Variants in SLC24A2 observed in about 807,000 individuals in gnomAD.
SLC24A2 encodes sodium/potassium/calcium exchanger 2.
In SLC24A2, 36 loss-of-function variants were observed where a neutral mutation model predicts 62.0. That is an observed-to-expected ratio of 0.58 (90% CI 0.44 to 0.77). SLC24A2 has a LOEUF of 0.77. Ranked by LOEUF, SLC24A2 falls within the 30% of genes least tolerant of loss-of-function variation. The pLI is 0.00. For synonymous variants in SLC24A2, 358 were observed against 294.0 expected, an observed-to-expected ratio of 1.22 and a Z score of -2.23; for missense variants, 846 against 817.9, an observed-to-expected ratio of 1.03 and a Z score of -0.42.
At chr9:19,982,700 C>T in the SLC24A2 span, among the ~76,000 whole-genome samples, 1 of 152,070 alleles carries the variant, frequency 6.6e-6, no homozygotes, top group African/African-American at 2.4e-5. Flanking sequence ...CTGTATTACC[C>T]TAATACCAAA....
chr9:20,092,410 A>G, the SLC24A2 span, among the ~76,000 whole-genome samples: 3 of 152,100 alleles, frequency 2.0e-5, no homozygotes, highest in Admixed American at 2.0e-4. Flanking sequence ...GCAAATTCAT[A>G]AACTTTCTTA....
At chr9:19,567,174 GAAAAA>G (rs55924253) in intron 7 of SLC24A2, among the ~76,000 whole-genome samples, 1 of 138,136 alleles carries the variant, frequency 7.2e-6, no homozygotes, top group Non-Finnish European at 1.6e-5. Context: ...AAAGAATCTG[GAAAAA>G]AAAAAAAGAA....
chr9:20,097,110 C>G, the SLC24A2 span, among the ~76,000 whole-genome samples: 1 of 152,126 alleles, frequency 6.6e-6, no homozygotes, highest in Non-Finnish European at 1.5e-5. Flanking sequence ...CTCCAATGTC[C>G]ACCCTACATC....
In SLC24A2 at chr9:19,517,126, C is replaced by T. The variant is rs78537812; in HGVS notation, c.1737-724G>A. Among the ~76,000 whole-genome samples the T allele has an allele frequency of 3.5e-4, 54 of 152,244 alleles. No homozygotes were observed. The East Asian group carries it at 9.3e-3, about 26-fold the overall frequency. On this transcript the variant is annotated intron_variant, in intron 10 of 10. Coordinates refer to ENST00000341998, the MANE Select transcript of SLC24A2 (RefSeq NM_020344.4). ...TCTGAGGATCTCTTGTGTTTCCTAT[C>T]GAGAGTGGTGATCCTGAAAGACCTC...
At chr9:20,219,160 G>A in the SLC24A2 span, among the ~76,000 whole-genome samples, 1 of 152,202 alleles carries the variant, frequency 6.6e-6, no homozygotes. Context: ...ATTAGTGGAT[G>A]GTTTCAGAGA....
intron 2 of SLC24A2, among the ~76,000 whole-genome samples, chr9:19,778,159 C>T (rs560330108): frequency 6.6e-6 from 1 of 152,016 alleles, no homozygotes; most frequent in African/African-American, 2.4e-5. Context: ...AATAACAAAC[C>T]CTTCTTAATA....
intron 2 of SLC24A2, among the ~76,000 whole-genome samples, chr9:19,759,342 C>T (rs1224348642): frequency 2.0e-5 from 3 of 152,166 alleles, no homozygotes; most frequent in African/African-American, 7.2e-5. Flanking sequence ...ACACCATGAT[C>T]TCCATAACCA....
intron 2 of SLC24A2, among the ~76,000 whole-genome samples, chr9:19,664,808 C>T (rs1261934758): frequency 3.3e-5 from 5 of 152,202 alleles, no homozygotes; most frequent in East Asian, 1.9e-4. Context: ...AGGAATGCCA[C>T]GGATTGCCAG....
chr9:20,057,595 A>G, the SLC24A2 span, among the ~76,000 whole-genome samples: 2 of 152,204 alleles, frequency 1.3e-5, no homozygotes, highest in Admixed American at 1.3e-4. Flanking sequence ...GATATTTGAA[A>G]CCTATCAAGC....
the SLC24A2 span, among the ~76,000 whole-genome samples, chr9:20,262,791 C>G: frequency 6.6e-6 from 1 of 152,216 alleles, no homozygotes; most frequent in African/African-American, 2.4e-5. Context: ...TCTCTTCCCA[C>G]TCTCTGCCCC....
At chr9:19,817,628 TTA>T in the SLC24A2 span, among the ~76,000 whole-genome samples, 3 of 152,096 alleles carry the variant, frequency 2.0e-5, no homozygotes, top group African/African-American at 7.2e-5. Context: ...CTCTTCTACA[TTA>T]TAGCTAAGAT....
the SLC24A2 span, among the ~76,000 whole-genome samples, chr9:19,835,035 T>C: frequency 6.6e-6 from 1 of 152,138 alleles, no homozygotes; most frequent in African/African-American, 2.4e-5. Flanking sequence ...TGAGAGATTT[T>C]GTCACCACCA....
At chr9:19,528,813 C>G (rs543367414) in intron 8 of SLC24A2, among the ~76,000 whole-genome samples, 2 of 152,300 alleles carry the variant, frequency 1.3e-5, no homozygotes, top group East Asian at 3.9e-4. Flanking sequence ...ACTGAGATGG[C>G]AGATCAGACA....
chr9:19,762,928 A>G lies in SLC24A2; in HGVS notation c.930+23009T>C, dbSNP rs1429487884. Among the ~76,000 whole-genome samples the G allele has an allele frequency of 2.6e-5, 4 of 151,582 alleles. No homozygotes were observed. In the East Asian group the frequency reaches 5.8e-4, roughly 22 times the overall value. On this transcript the variant is annotated intron_variant, in intron 2 of 10. Coordinates refer to ENST00000341998, the MANE Select transcript of SLC24A2 (RefSeq NM_020344.4). ...TATGGGCAGTATGGCTGTTTTCATGATATCGATTCTTCCTATCCATGAGCA... is the reference window on the plus strand; with the variant it reads ...TATGGGCAGTATGGCTGTTTTCATGGTATCGATTCTTCCTATCCATGAGCA...
chr9:20,009,773 C>T, the SLC24A2 span, among the ~76,000 whole-genome samples: 1 of 152,130 alleles, frequency 6.6e-6, no homozygotes, highest in Admixed American at 6.6e-5. Context: ...GAGCATCTGG[C>T]CCTGCCCAAC....
the SLC24A2 span, among the ~76,000 whole-genome samples, chr9:19,826,960 T>C: frequency 6.6e-6 from 1 of 152,326 alleles, no homozygotes; most frequent in South Asian, 2.1e-4. Context: ...CCTTTTCCTG[T>C]ACTCCCTGCT....
chr9:20,065,829 G>A, the SLC24A2 span, among the ~76,000 whole-genome samples: 2 of 152,198 alleles, frequency 1.3e-5, no homozygotes, highest in African/African-American at 4.8e-5. Context: ...TTAAAAACAT[G>A]TTCAGCCTTT....
the SLC24A2 span, among the ~76,000 whole-genome samples, chr9:19,804,666 G>A: frequency 6.6e-6 from 1 of 152,070 alleles, no homozygotes; most frequent in East Asian, 1.9e-4. Flanking sequence ...AGAACCTCAA[G>A]TACAACATTG....
chr9:20,288,041 A>ACAC, the SLC24A2 span, among the ~76,000 whole-genome samples: 755 of 146,682 alleles, frequency 5.1e-3, 12 homozygotes, highest in East Asian at 0.046. Context: ...TTAGGAAAAA[A>ACAC]ACACACACAC....
Sources: allele counts gnomAD v4.1 joint callset (sites outside exome capture counted in the v4.1 genomes callset), GRCh38; gene constraint gnomAD v4.1.1; transcripts MANE v1.5; gene names NCBI Gene and HGNC (gene_info 2026-07-23, HGNC 2026-07-21).